PDE7B: variants seen among roughly 807,000 people sequenced by gnomAD.
PDE7B encodes phosphodiesterase 7B, also known as 3',5'-cyclic-AMP phosphodiesterase 7B.
PDE7B carries 29 observed loss-of-function variants against 56.2 expected under a neutral mutation model. That is an observed-to-expected ratio of 0.52 (90% confidence interval 0.38 to 0.70). The LOEUF (loss-of-function observed/expected upper bound fraction) is 0.70. PDE7B is among the 30% of genes least tolerant of loss of function. The probability of loss-of-function intolerance (pLI) is 0.00; values close to 1 mark genes in which losing one functional copy is unlikely to be tolerated. For synonymous variants in PDE7B, 197 were observed against 196.9 expected (o/e 1.00, Z 0.00); for missense variants, 490 against 565.0 (o/e 0.87, Z 1.35).
chr6:136,073,599 G>A (rs1777084021), intron 2 of PDE7B, among the ~76,000 whole-genome samples: 2 of 152,086 alleles, frequency 1.3e-5, no homozygotes, highest in African/African-American at 4.8e-5. Context: ...TAGTCATAAT[G>A]GATTAGGGCC....
intron 9 of PDE7B, among the ~76,000 whole-genome samples, chr6:136,176,563 GCTT>G (rs1778980793): frequency 6.6e-6 from 1 of 152,038 alleles, no homozygotes; most frequent in Non-Finnish European, 1.5e-5. Flanking sequence ...CCCACGGAAT[GCTT>G]CATTATTGTA....
intron 1 of PDE7B, among the ~76,000 whole-genome samples, chr6:135,868,105 T>C (rs9385743): frequency 0.07 from 10,608 of 152,250 alleles, 520 homozygotes; most frequent in African/African-American, 0.13. Context: ...ATTTATTTTC[T>C]AACTATGAAG....
chr6:136,001,545 T>C (rs1775668134), intron 2 of PDE7B, among the ~76,000 whole-genome samples: 1 of 152,094 alleles, frequency 6.6e-6, no homozygotes, highest in African/African-American at 2.4e-5. Flanking sequence ...GAGAACTACG[T>C]GAAGAATGCA....
intron 1 of PDE7B, among the ~76,000 whole-genome samples, chr6:135,928,463 ATT>A (rs1231350481): frequency 0.091 from 7,472 of 81,740 alleles, 335 homozygotes; most frequent in African/African-American, 0.18. Flanking sequence ...TTATATATAT[ATT>A]TATTTATATA....
intron 2 of PDE7B, among the ~76,000 whole-genome samples, chr6:135,977,484 C>G (rs1181977646): frequency 6.6e-6 from 1 of 152,110 alleles, no homozygotes; most frequent in Non-Finnish European, 1.5e-5. Context: ...GACACTGCCT[C>G]CAAGGCATGC....
At chr6:135,931,242 C>A (rs1774286957) in intron 1 of PDE7B, among the ~76,000 whole-genome samples, 1 of 152,138 alleles carries the variant, frequency 6.6e-6, no homozygotes, top group Admixed American at 6.5e-5. Context: ...TACATGAATC[C>A]ATTCCATAAT....
At chr6:136,015,080 G>T (rs1775955182) in intron 2 of PDE7B, among the ~76,000 whole-genome samples, 1 of 152,236 alleles carries the variant, frequency 6.6e-6, no homozygotes, top group South Asian at 2.1e-4. Context: ...CCCAAAAGCA[G>T]CACCAGAGCC....
At chr6:136,121,192 G>A (rs1777927460) in intron 3 of PDE7B, among the ~76,000 whole-genome samples, 1 of 152,122 alleles carries the variant, frequency 6.6e-6, no homozygotes, top group African/African-American at 2.4e-5. Flanking sequence ...TCACTTCTAG[G>A]CAGGGGTTGG....
chr6:136,049,099 TTTTG>T (rs958971521), intron 2 of PDE7B: 17 of 153,108 alleles, frequency 1.1e-4, no homozygotes, highest in East Asian at 9.6e-4. Flanking sequence ...AGATTGCCTG[TTTTG>T]TTTGTTTGTT....
intron 1 of PDE7B, among the ~76,000 whole-genome samples, chr6:135,877,096 A>G (rs9494406): frequency 0.12 from 18,149 of 151,770 alleles, 3,032 homozygotes; most frequent in African/African-American, 0.38. Flanking sequence ...ACCGAATTCT[A>G]TTTCAGTGTC....
chr6:136,176,187 G>A (rs114941451), intron 9 of PDE7B, among the ~76,000 whole-genome samples: 2,437 of 151,948 alleles, frequency 0.016, 68 homozygotes, highest in African/African-American at 0.054. Flanking sequence ...GTAACCATTT[G>A]TTATATGTGG....
chr6:135,930,992 A>G (rs115716664), intron 1 of PDE7B, among the ~76,000 whole-genome samples: 2,126 of 152,308 alleles, frequency 0.014, 37 homozygotes, highest in African/African-American at 0.039. Flanking sequence ...ACCTAACCAC[A>G]TATTTGAAAC....
chr6:136,095,794 A>T (rs1777461920), intron 2 of PDE7B: 1 of 152,224 alleles, frequency 6.6e-6, no homozygotes, highest in Non-Finnish European at 1.5e-5. Context: ...CTCTCAGAGG[A>T]TGATATTGAT....
chr6:135,970,054 T>C (rs1427108166), intron 2 of PDE7B, among the ~76,000 whole-genome samples: 3 of 152,180 alleles, frequency 2.0e-5, no homozygotes, highest in Non-Finnish European at 4.4e-5. Context: ...ATTTATTGTT[T>C]CTGTAAATAT....
intron 1 of PDE7B, among the ~76,000 whole-genome samples, chr6:135,940,251 C>A (rs768932437): frequency 2.0e-5 from 3 of 152,176 alleles, no homozygotes; most frequent in Non-Finnish European, 4.4e-5. Context: ...CTTTCCTATG[C>A]TCCAGACTCA....
chr6:135,888,450 A>C (rs879294973), intron 1 of PDE7B, among the ~76,000 whole-genome samples: 2 of 151,068 alleles, frequency 1.3e-5, no homozygotes, highest in Admixed American at 6.6e-5. Context: ...TGAAATACAC[A>C]CGTGTGTGTG....
chr6:136,108,760 G>T lies in PDE7B; in HGVS notation c.112G>T (p.Val38Phe). 6.2e-7 allele frequency: 1 copy of T among 1,611,850 alleles called. No individual in the cohort carries two copies. The highest frequency in any genetic ancestry group is 8.5e-7 in the Non-Finnish European group (1 of 1,178,022). ...TATACGACTAAGGGGTCAGACGGGG[G>T]TTCGTGCTGAACGCCGTGGCTCCTA... The part of the protein sequence containing the change: ...GDIRLRGQTG[V>F]RAERRGSYPF... The change falls in exon 3 of 13, where the codon GTT (valine) becomes TTT (phenylalanine). Residue 38 changes from valine (V) to phenylalanine (F), a missense_variant. Transcript: ENST00000308191.
At chr6:136,053,232 CGGT>C (rs1562480879) in intron 2 of PDE7B, among the ~76,000 whole-genome samples, 2 of 132,188 alleles carry the variant, frequency 1.5e-5, no homozygotes, top group African/African-American at 5.8e-5. Flanking sequence ...ACAACAGGCC[CGGT>C]GTGTGATGTT....
chr6:135,869,309 A>G (rs996485182), intron 1 of PDE7B, among the ~76,000 whole-genome samples: 6 of 152,148 alleles, frequency 3.9e-5, no homozygotes, highest in African/African-American at 1.2e-4. Context: ...CTATTACTGC[A>G]TAGTATATTT....
Sources: allele counts gnomAD v4.1 joint callset (sites outside exome capture counted in the v4.1 genomes callset), GRCh38; gene constraint gnomAD v4.1.1; transcripts MANE v1.5; gene names NCBI Gene and HGNC (gene_info 2026-07-23, HGNC 2026-07-21).